Variants in MUSK observed in about 807,000 individuals in gnomAD.
MUSK encodes the protein muscle associated receptor tyrosine kinase.
Under a neutral mutation model 88.7 loss-of-function variants are expected in MUSK, and 55 were observed. The observed-to-expected ratio is 0.62, with a 90% CI of 0.50 to 0.78. MUSK has a LOEUF of 0.78. Among genes scored for constraint, MUSK ranks in the 30% least tolerant of loss-of-function variants. MUSK has a pLI of 0.00. For missense variants in MUSK, 1,015 were observed against 1,074.3 expected (o/e 0.94, Z 0.77); for synonymous variants, 387 against 391.9 (o/e 0.99, Z 0.15).
chr9:110,696,616 G>T (rs2076433588), intron 4 of MUSK, among the ~76,000 whole-genome samples: 2 of 152,020 alleles, frequency 1.3e-5, no homozygotes. Context: ...AAACAAGGGT[G>T]GTTGTACTTA....
chr9:110,774,866 T>TACACAC (rs368896303), intron 9 of MUSK, among the ~76,000 whole-genome samples: 204 of 139,038 alleles, frequency 1.5e-3, no homozygotes, highest in African/African-American at 5.4e-3. Flanking sequence ...GGCATATATA[T>TACACAC]ACACACACAC....
chr9:110,770,568 A>G (rs2077559037), intron 9 of MUSK, among the ~76,000 whole-genome samples: 1 of 149,924 alleles, frequency 6.7e-6, no homozygotes, highest in Non-Finnish European at 1.5e-5. Context: ...CATTTTGCCA[A>G]TGTCCACATG....
At chr9:110,750,070 T>C (rs1474300993) in intron 7 of MUSK, among the ~76,000 whole-genome samples, 1 of 130,876 alleles carries the variant, frequency 7.6e-6, no homozygotes, top group Non-Finnish European at 1.8e-5. Context: ...TGTGTGTTTA[T>C]ATACACACAC....
chr9:110,679,127 A>G (rs2076071687), intron 1 of MUSK, among the ~76,000 whole-genome samples: 2 of 152,182 alleles, frequency 1.3e-5, no homozygotes, highest in South Asian at 4.1e-4. Context: ...TGATGTTTAT[A>G]TCTTCTATAT....
At chr9:110,677,234 T>C (rs2076043715) in intron 1 of MUSK, among the ~76,000 whole-genome samples, 1 of 152,218 alleles carries the variant, frequency 6.6e-6, no homozygotes, top group Admixed American at 6.5e-5. Flanking sequence ...TTCCCTTTTA[T>C]TGTTAAACTC....
At chr9:110,758,833 C>T (rs1189903342) in intron 7 of MUSK, among the ~76,000 whole-genome samples, 1 of 152,138 alleles carries the variant, frequency 6.6e-6, no homozygotes, top group East Asian at 1.9e-4. Flanking sequence ...AGAATAAATA[C>T]CGAGGAATAC....
At chr9:110,700,741 A>G (rs2076491213) in intron 5 of MUSK, among the ~76,000 whole-genome samples, 1 of 152,204 alleles carries the variant, frequency 6.6e-6, no homozygotes, top group Admixed American at 6.5e-5. Context: ...GTGCTGGATA[A>G]TGCACAAGGG....
intron 1 of MUSK, among the ~76,000 whole-genome samples, chr9:110,676,342 A>G (rs1278321971): frequency 2.0e-5 from 1 of 50,126 alleles, no homozygotes; most frequent in Admixed American, 1.3e-4. Flanking sequence ...ACATACACAC[A>G]CATATATTAT....
intron 5 of MUSK, among the ~76,000 whole-genome samples, chr9:110,727,873 C>CTCT (rs2076908726): frequency 6.6e-6 from 1 of 152,066 alleles, no homozygotes; most frequent in South Asian, 2.1e-4. Flanking sequence ...ATATTACTAA[C>CTCT]TCTAAGAAAG....
At chr9:110,761,056 G>T (rs1318310584) in intron 7 of MUSK, among the ~76,000 whole-genome samples, 1 of 152,210 alleles carries the variant, frequency 6.6e-6, no homozygotes, top group African/African-American at 2.4e-5. Context: ...AATGAGGGTT[G>T]AGAGGACAGG....
chr9:110,755,387 G>A (rs2077297612), intron 7 of MUSK, among the ~76,000 whole-genome samples: 1 of 152,116 alleles, frequency 6.6e-6, no homozygotes, highest in African/African-American at 2.4e-5. Context: ...CATAAAGAGA[G>A]GTAACAAAGA....
intron 5 of MUSK, among the ~76,000 whole-genome samples, chr9:110,718,837 G>A (rs936346423): frequency 1.3e-5 from 2 of 152,058 alleles, no homozygotes; most frequent in Admixed American, 6.6e-5. Context: ...TGAGGCAAAA[G>A]CATCAGGCAT....
chr9:110,683,792 T>C (rs2076162093), intron 2 of MUSK, among the ~76,000 whole-genome samples: 1 of 152,096 alleles, frequency 6.6e-6, no homozygotes, highest in African/African-American at 2.4e-5. Flanking sequence ...TTTCGAGAAA[T>C]TGTTCAAACT....
At chr9:110,731,169 TAGAGAC>T (rs1315631760) in intron 5 of MUSK, among the ~76,000 whole-genome samples, 1 of 152,030 alleles carries the variant, frequency 6.6e-6, no homozygotes, top group Admixed American at 6.6e-5. Flanking sequence ...GTTCTAGAAA[TAGAGAC>T]AGATATGTAG....
intron 5 of MUSK, among the ~76,000 whole-genome samples, chr9:110,716,225 A>G (rs2076741849): frequency 6.7e-6 from 1 of 150,240 alleles, no homozygotes; most frequent in Non-Finnish European, 1.5e-5. Flanking sequence ...GCACTAACCT[A>G]ATAAAGTGAT....
chr9:110,751,103 T>C (rs2077241446), intron 7 of MUSK, among the ~76,000 whole-genome samples: 1 of 152,130 alleles, frequency 6.6e-6, no homozygotes, highest in Admixed American at 6.5e-5. Flanking sequence ...TGGGTATATC[T>C]ACTCCACACA....
intron 5 of MUSK, among the ~76,000 whole-genome samples, chr9:110,710,619 C>A (rs776501681): frequency 6.6e-6 from 1 of 151,958 alleles, no homozygotes; most frequent in Non-Finnish European, 1.5e-5. Flanking sequence ...GAGATTATAA[C>A]TTTGGTGTGG....
At chr9:110,714,980 T>C (rs1449146484) in intron 5 of MUSK, among the ~76,000 whole-genome samples, 2 of 150,674 alleles carry the variant, frequency 1.3e-5, no homozygotes, top group Non-Finnish European at 2.9e-5. Context: ...GTGATTTCTC[T>C]GTCTCAAATA....
At chr9:110,786,579 T>A (rs1366417805) in intron 13 of MUSK, among the ~76,000 whole-genome samples, 3 of 152,150 alleles carry the variant, frequency 2.0e-5, no homozygotes, top group Admixed American at 1.3e-4. Flanking sequence ...CATATATTTT[T>A]AATCATAATT....
Sources: allele counts gnomAD v4.1 joint callset (sites outside exome capture counted in the v4.1 genomes callset), GRCh38; gene constraint gnomAD v4.1.1; transcripts MANE v1.5; gene names NCBI Gene and HGNC (gene_info 2026-07-23, HGNC 2026-07-21).